The following C12orf42 variants were observed in gnomAD, a reference collection of about 807,000 sequenced individuals.
C12orf42 encodes uncharacterized protein C12orf42.
In C12orf42, 25 loss-of-function variants were observed where a neutral mutation model predicts 21.6. The ratio of observed to expected loss-of-function variants is 1.16; its 90% CI spans 0.84 to 1.62. The LOEUF (loss-of-function observed/expected upper bound fraction) is 1.62, where lower values mean the gene tolerates loss of function less well. C12orf42 is among the 40% of genes most tolerant of loss of function. The pLI, the probability that C12orf42 is intolerant of heterozygous loss-of-function variation, is 0.00. For missense variants in C12orf42, 483 were observed against 459.3 expected (o/e 1.05, Z -0.47); for synonymous variants, 174 against 175.0 (o/e 0.99, Z 0.05).
Position 103,449,085 on chromosome 12 carries a change from A to T in C12orf42, c.78+29264T>A, listed in dbSNP as rs144058167. On this transcript the variant is annotated intron_variant, in intron 2 of 5. Transcript: ENST00000548883. ...AATGAGTGGATAAAGAAAATATGAT[A>T]GATAGATAGATAGATAGATAGATAG... Among the ~76,000 whole-genome samples, 19 of 108,900 alleles carry T rather than the reference A, an allele frequency of 1.7e-4. No individual in the cohort carries two copies. The East Asian group carries it at 3.0e-3, about 17-fold the overall frequency. The allele number at this position is 108,900 out of a possible 152,430, so 71.4% of individuals were successfully genotyped here. A position where few individuals can be genotyped will look rare whatever the true frequency, so the allele number is the denominator to read the frequency against.
At chr12:103,361,422 T>G (rs10778238) in intron 4 of C12orf42, among the ~76,000 whole-genome samples, 74,477 of 151,844 alleles carry the variant, frequency 0.49, 20,866 homozygotes, top group African/African-American at 0.76. Flanking sequence ...CCTCACAGGG[T>G]TCCTTGGGGA....
At chr12:103,491,532 G>A (rs1037580704) in intron 1 of C12orf42, among the ~76,000 whole-genome samples, 17 of 152,156 alleles carry the variant, frequency 1.1e-4, no homozygotes, top group Admixed American at 1.0e-3. Flanking sequence ...TAGGTAATAA[G>A]GTTCCACCTC....
At chr12:103,164,856 C>G in the C12orf42 span, 1 of 376,804 alleles carries the variant, frequency 2.7e-6, no homozygotes. Context: ...TCAGTATACT[C>G]ACAAATGTGG....
chr12:103,501,721 C>T, the C12orf42 span, among the ~76,000 whole-genome samples: 113 of 152,172 alleles, frequency 7.4e-4, no homozygotes, highest in African/African-American at 2.5e-3. Flanking sequence ...TTTAGGAAGC[C>T]GTGTAGAGCA....
rs74501204 is a variant in C12orf42 at position 103,254,931 on chromosome 12, A to G, written c.*1366+8395T>C. ...CCCATAACTTAAAATAGAAATTAAA[A>G]ATTTTTTTAAATTATAAATGTTTCA... is the stretch of plus-strand genomic sequence containing the variant. On this transcript the variant is annotated intron_variant and NMD_transcript_variant, in intron 10 of 10. Transcript: ENST00000547347. Among the ~76,000 whole-genome samples the G allele has an allele frequency of 4.8e-3, 725 of 152,286 alleles. 6 individuals carry two copies. Among genetic ancestry groups the G allele is most frequent in the African/African-American group, 0.017 (702 of 41,528 alleles).
intron 3 of C12orf42, among the ~76,000 whole-genome samples, chr12:103,376,979 T>A (rs866986040): frequency 3.3e-5 from 5 of 152,102 alleles, no homozygotes; most frequent in South Asian, 2.1e-4. Flanking sequence ...AAGGGCTTCC[T>A]TTAACTTATC....
chr12:103,534,470 C>G, the C12orf42 span, among the ~76,000 whole-genome samples: 1 of 152,252 alleles, frequency 6.6e-6, no homozygotes, highest in East Asian at 1.9e-4. Flanking sequence ...ATATGAAGAG[C>G]TGGTCATGGA....
At chr12:103,458,417 T>C (rs971230540) in intron 2 of C12orf42, among the ~76,000 whole-genome samples, 1 of 152,150 alleles carries the variant, frequency 6.6e-6, no homozygotes, top group African/African-American at 2.4e-5. Context: ...TGATGAGTTA[T>C]AGGATAGGCG....
chr12:103,524,962 T>TGG, the C12orf42 span, among the ~76,000 whole-genome samples: 71 of 23,396 alleles, frequency 3.0e-3, no homozygotes, highest in East Asian at 0.015. Context: ...TTAGTTTTTT[T>TGG]GGGGGGGGGG....
At chr12:103,440,244 G>T (rs1469544749) in intron 2 of C12orf42, among the ~76,000 whole-genome samples, 3 of 129,168 alleles carry the variant, frequency 2.3e-5, no homozygotes, top group East Asian at 2.3e-4. Flanking sequence ...AATATCACAC[G>T]CTGGGGACTG....
chr12:103,303,915 C>G (rs756123960), intron 5 of C12orf42, among the ~76,000 whole-genome samples: 2 of 152,140 alleles, frequency 1.3e-5, no homozygotes, highest in African/African-American at 2.4e-5. Context: ...TCACTGCCAT[C>G]AATATTCAGT....
At chr12:103,146,592 G>GAAAGAAAGAAAGAAAGAA in the C12orf42 span, among the ~76,000 whole-genome samples, 8 of 148,936 alleles carry the variant, frequency 5.4e-5, no homozygotes, top group African/African-American at 2.0e-4. Context: ...AAGAAAGAAA[G>GAAAGAAAGAAAGAAAGAA]AAAGAAAGAA....
the C12orf42 span, among the ~76,000 whole-genome samples, chr12:103,561,030 A>G: frequency 6.6e-6 from 1 of 152,126 alleles, no homozygotes; most frequent in African/African-American, 2.4e-5. Flanking sequence ...TTTCATTGAG[A>G]CTTTTACCTC....
At chr12:103,198,176 C>T in the C12orf42 span, among the ~76,000 whole-genome samples, 3 of 152,170 alleles carry the variant, frequency 2.0e-5, no homozygotes, top group Non-Finnish European at 2.9e-5. Context: ...ATTCCAGTAA[C>T]ACAGTAGGGG....
chr12:103,519,626 G>A, the C12orf42 span, among the ~76,000 whole-genome samples: 8 of 152,048 alleles, frequency 5.3e-5, no homozygotes, highest in Admixed American at 4.6e-4. Flanking sequence ...ATAAATATCA[G>A]GCCCATACAG....
the C12orf42 span, among the ~76,000 whole-genome samples, chr12:103,097,492 G>C: frequency 2.0e-5 from 3 of 152,178 alleles, no homozygotes; most frequent in African/African-American, 7.2e-5. Context: ...GAAATGTGTT[G>C]AGTTAGTGAC....
At chr12:103,195,200 T>C in the C12orf42 span, among the ~76,000 whole-genome samples, 462 of 152,308 alleles carry the variant, frequency 3.0e-3, 4 homozygotes, top group Non-Finnish European at 3.4e-3. Flanking sequence ...CCACCACTGA[T>C]GGGCATCTAT....
At chr12:103,350,991 A>T (rs1218975443) in intron 4 of C12orf42, among the ~76,000 whole-genome samples, 1 of 152,132 alleles carries the variant, frequency 6.6e-6, no homozygotes, top group Non-Finnish European at 1.5e-5. Flanking sequence ...TCAGTTTCAC[A>T]GGAAGTTACT....
chr12:103,294,583 G>GGAAGAAAGAAA (rs1300203895), intron 4 of C12orf42, among the ~76,000 whole-genome samples: 1 of 80,280 alleles, frequency 1.2e-5, no homozygotes, highest in Non-Finnish European at 2.4e-5. Context: ...AAGGAAGGAA[G>GGAAGAAAGAAA]GAAAGAAAGA....
Sources: allele counts gnomAD v4.1 joint callset (sites outside exome capture counted in the v4.1 genomes callset), GRCh38; gene constraint gnomAD v4.1.1; transcripts MANE v1.5; gene names NCBI Gene and HGNC (gene_info 2026-07-23, HGNC 2026-07-21).